NEK7: variants seen among roughly 807,000 people sequenced by gnomAD.
NEK7 encodes the protein serine/threonine-protein kinase Nek7.
In NEK7, 18 loss-of-function variants were observed where a neutral mutation model predicts 44.6. That is an observed-to-expected ratio of 0.40 (90% CI 0.28 to 0.60). NEK7 has a LOEUF of 0.60. NEK7 is among the 20% of genes least tolerant of loss of function. The pLI, the probability that NEK7 is intolerant of heterozygous loss-of-function variation, is 0.38. For synonymous variants in NEK7, 130 were observed against 121.1 expected, an observed-to-expected ratio of 1.07 and a Z score of -0.48; for missense variants, 256 against 366.5, an observed-to-expected ratio of 0.70 and a Z score of 2.46.
chr1:198,249,444 T>C (rs1305388749), intron 2 of NEK7, among the ~76,000 whole-genome samples: 188 of 151,894 alleles, frequency 1.2e-3, no homozygotes, highest in Non-Finnish European at 4.6e-4. Context: ...TTTCTAGTTC[T>C]AGATCCCTGA....
intron 2 of NEK7, among the ~76,000 whole-genome samples, chr1:198,249,413 G>A (rs1652829535): frequency 6.6e-6 from 1 of 151,678 alleles, no homozygotes; most frequent in Non-Finnish European, 1.5e-5. Context: ...CCCAGTAATG[G>A]GATGGCTGGG....
intron 1 of NEK7, among the ~76,000 whole-genome samples, chr1:198,209,801 CTAA>C (rs1665711501): frequency 6.6e-6 from 1 of 151,556 alleles, no homozygotes; most frequent in Non-Finnish European, 1.5e-5. Context: ...CATGCTGGGT[CTAA>C]TATTTATTTA....
At chr1:198,289,678 A>G (rs879103042) in intron 7 of NEK7, among the ~76,000 whole-genome samples, 2 of 152,172 alleles carry the variant, frequency 1.3e-5, no homozygotes, top group African/African-American at 4.8e-5. Context: ...AAATTTTTGC[A>G]GAGATTACAG....
At chr1:198,285,814 C>T (rs1654350246) in intron 7 of NEK7, among the ~76,000 whole-genome samples, 2 of 151,926 alleles carry the variant, frequency 1.3e-5, no homozygotes, top group Admixed American at 1.3e-4. Flanking sequence ...TTTAAAAATA[C>T]TGCTTGTATC....
intron 3 of NEK7, among the ~76,000 whole-genome samples, chr1:198,255,452 ATTTT>A (rs1372214032): frequency 1.3e-5 from 2 of 152,052 alleles, no homozygotes; most frequent in African/African-American, 4.8e-5. Context: ...TAGTGATTAT[ATTTT>A]ACATTGCAGA....
chr1:198,270,292 C>G (rs1178523546), intron 5 of NEK7, among the ~76,000 whole-genome samples: 1 of 151,602 alleles, frequency 6.6e-6, no homozygotes, highest in Non-Finnish European at 1.5e-5. Context: ...CAATTTGAGA[C>G]AAATAGAAGA....
chr1:198,198,487 T>C (rs756256105), intron 1 of NEK7, among the ~76,000 whole-genome samples: 41 of 152,254 alleles, frequency 2.7e-4, no homozygotes, highest in Middle Eastern at 6.8e-3. Context: ...TTTAAGGTGA[T>C]CTGGGGTTTC....
intron 1 of NEK7, among the ~76,000 whole-genome samples, chr1:198,194,866 GT>G (rs1665187806): frequency 6.6e-6 from 1 of 152,038 alleles, no homozygotes; most frequent in Non-Finnish European, 1.5e-5. Context: ...TGGTATTTTT[GT>G]TTTTAGGTTT....
chr1:198,204,700 A>G (rs1182224413), intron 1 of NEK7, among the ~76,000 whole-genome samples: 1 of 145,246 alleles, frequency 6.9e-6, no homozygotes, highest in Admixed American at 7.0e-5. Context: ...AGCCTGGGCG[A>G]CAGCGAGACT....
chr1:198,218,231 A>G (rs1558061530), intron 1 of NEK7, among the ~76,000 whole-genome samples: 1 of 152,100 alleles, frequency 6.6e-6, no homozygotes, highest in African/African-American at 2.4e-5. Flanking sequence ...TGCAAAGACT[A>G]ATGGAACAGA....
chr1:198,308,189 CAT>C (rs1278428835), intron 9 of NEK7, among the ~76,000 whole-genome samples: 6 of 152,248 alleles, frequency 3.9e-5, no homozygotes, highest in South Asian at 2.1e-4. Flanking sequence ...TAAATCAACA[CAT>C]GAGTATTGAA....
At chr1:198,221,293 A>G (rs1054122892) in intron 1 of NEK7, among the ~76,000 whole-genome samples, 1 of 151,972 alleles carries the variant, frequency 6.6e-6, no homozygotes, top group Non-Finnish European at 1.5e-5. Flanking sequence ...TCTTGGTTAA[A>G]TTGGATTTAC....
chr1:198,184,395 TGACA>T (rs1178981006), intron 1 of NEK7, among the ~76,000 whole-genome samples: 1 of 152,208 alleles, frequency 6.6e-6, no homozygotes, highest in East Asian at 1.9e-4. Flanking sequence ...TCGATCTGTT[TGACA>T]GACAAATTTT....
intron 1 of NEK7, among the ~76,000 whole-genome samples, chr1:198,201,614 A>G (rs1030802397): frequency 1.3e-5 from 2 of 152,210 alleles, no homozygotes; most frequent in African/African-American, 4.8e-5. Context: ...AGAATCCATC[A>G]TTAATATTCT....
At chr1:198,262,240 G>A (rs1653499696) in intron 3 of NEK7, among the ~76,000 whole-genome samples, 1 of 151,870 alleles carries the variant, frequency 6.6e-6, no homozygotes, top group Admixed American at 6.6e-5. Context: ...AGGTTGTGCA[G>A]TACATTTAGC....
intron 9 of NEK7, among the ~76,000 whole-genome samples, chr1:198,307,643 G>A (rs2103029120): frequency 6.6e-6 from 1 of 152,224 alleles, no homozygotes; most frequent in East Asian, 1.9e-4. Context: ...GACACCCTTA[G>A]TGAAATTTGA....
intron 3 of NEK7, among the ~76,000 whole-genome samples, chr1:198,259,285 C>G (rs1290141419): frequency 6.6e-6 from 1 of 151,970 alleles, no homozygotes; most frequent in Non-Finnish European, 1.5e-5. Flanking sequence ...TCTTATCTCA[C>G]TCACCCTCTT....
intron 1 of NEK7, among the ~76,000 whole-genome samples, chr1:198,222,768 T>C (rs986897998): frequency 2.0e-5 from 3 of 152,044 alleles, no homozygotes; most frequent in African/African-American, 7.2e-5. Context: ...TCTCGCCCTC[T>C]GCTACTTATA....
At chr1:198,257,956 A>G (rs1363953254) in intron 3 of NEK7, among the ~76,000 whole-genome samples, 2 of 152,214 alleles carry the variant, frequency 1.3e-5, no homozygotes, top group East Asian at 3.9e-4. Flanking sequence ...AATAAATCAA[A>G]TAATTATAGC....
Sources: gnomAD v4.1 joint callset for allele counts (sites outside exome capture counted in the v4.1 genomes callset) on GRCh38, gnomAD v4.1.1 for gene constraint, MANE v1.5 for transcripts, NCBI Gene and HGNC (gene_info 2026-07-23, HGNC 2026-07-21) for gene names.